Variants in CACNA2D1 observed in about 807,000 individuals in gnomAD.
CACNA2D1 encodes voltage-dependent calcium channel subunit alpha-2/delta-1.
CACNA2D1 carries 53 observed loss-of-function variants against 171.5 expected under a neutral mutation model. That is an observed-to-expected ratio of 0.31 (90% CI 0.25 to 0.39). The LOEUF (loss-of-function observed/expected upper bound fraction) is 0.39, where lower values mean the gene tolerates loss of function less well. CACNA2D1 is among the 10% of genes least tolerant of loss of function. The pLI is 1.00. For missense variants in CACNA2D1, 903 were observed against 1,299.8 expected, an observed-to-expected ratio of 0.69 and a Z score of 4.69; for synonymous variants, 442 against 443.1, an observed-to-expected ratio of 1.00 and a Z score of 0.03.
chr7:82,355,229 C>A (rs1820287754), intron 1 of CACNA2D1, among the ~76,000 whole-genome samples: 1 of 152,040 alleles, frequency 6.6e-6, no homozygotes, highest in Admixed American at 6.6e-5. Flanking sequence ...GAAAATCTTT[C>A]TCTTAGAAAT....
chr7:82,003,893 G>C (rs1798865599), intron 18 of CACNA2D1, among the ~76,000 whole-genome samples: 1 of 151,912 alleles, frequency 6.6e-6, no homozygotes, highest in Non-Finnish European at 1.5e-5. Flanking sequence ...TTATAGGCAT[G>C]TGCCACCACA....
intron 5 of CACNA2D1, among the ~76,000 whole-genome samples, chr7:82,118,079 C>G (rs1040936808): frequency 6.6e-6 from 1 of 152,098 alleles, no homozygotes; most frequent in Non-Finnish European, 1.5e-5. Flanking sequence ...TATTCTAACT[C>G]TAAATACAAT....
At chr7:82,202,412 A>G (rs1383509695) in intron 3 of CACNA2D1, among the ~76,000 whole-genome samples, 2 of 152,142 alleles carry the variant, frequency 1.3e-5, no homozygotes, top group Non-Finnish European at 2.9e-5. Context: ...ACTGATTCTG[A>G]GTCAGCCATG....
At chr7:82,199,018 G>A (rs1234320558) in intron 3 of CACNA2D1, among the ~76,000 whole-genome samples, 3 of 152,078 alleles carry the variant, frequency 2.0e-5, no homozygotes, top group Non-Finnish European at 4.4e-5. Flanking sequence ...TTATGGAATA[G>A]CCAAGATGCT....
chr7:82,009,256 T>A (rs975017689), intron 15 of CACNA2D1: 3 of 152,180 alleles, frequency 2.0e-5, no homozygotes, highest in Admixed American at 1.3e-4. Context: ...CCCAGCCACA[T>A]GGAACTGTGA....
At chr7:82,175,480 T>C (rs1207479805) in intron 3 of CACNA2D1, among the ~76,000 whole-genome samples, 1 of 152,052 alleles carries the variant, frequency 6.6e-6, no homozygotes, top group Non-Finnish European at 1.5e-5. Context: ...CAATTATCAC[T>C]CTAGGAGTTT....
At chr7:82,276,971 C>G (rs1360903576) in intron 3 of CACNA2D1, among the ~76,000 whole-genome samples, 1 of 152,016 alleles carries the variant, frequency 6.6e-6, no homozygotes, top group Non-Finnish European at 1.5e-5. Context: ...TGGTCTCGAT[C>G]TCTTGACCTT....
intron 3 of CACNA2D1, among the ~76,000 whole-genome samples, chr7:82,273,259 T>C (rs1431622214): frequency 6.6e-6 from 1 of 151,818 alleles, no homozygotes; most frequent in East Asian, 1.9e-4. Context: ...ATATACCTTT[T>C]GATATAGCTC....
Position 82,443,420 on chromosome 7 carries a change from A to T in CACNA2D1, c.40T>A (p.Phe14Ile). The T allele has an allele frequency of 6.2e-7, 1 of 1,607,180 alleles. No homozygotes were observed. Reference protein sequence around the residue: ...GCLLALTLTLFQSLLIGPSSE... With the variant: ...GCLLALTLTLIQSLLIGPSSE... ...GAGGGGCCGATGAGCAAAGATTGGA[A>T]AAGTGTCAGAGTCAAGGCCAGCAGG... The change falls in exon 1 of 39, where the codon TTC (phenylalanine) becomes ATC (isoleucine). Residue 14 changes from phenylalanine to isoleucine, a missense_variant. This residue lies in a region of CACNA2D1 where 41 missense variants were observed against 27.6 expected (regional missense o/e 1.49). Coordinates refer to ENST00000356860, the MANE Select transcript of CACNA2D1 (RefSeq NM_000722.4).
intron 8 of CACNA2D1, 145 bp from the exon 9 acceptor site, chr7:82,064,499 T>C: frequency 7.0e-6 from 4 of 571,260 alleles, no homozygotes; most frequent in African/African-American, 3.7e-5. Flanking sequence ...TGGTTTTCCA[T>C]TCATATTCTT....
At chr7:82,023,322 G>C (rs1801478100) in intron 12 of CACNA2D1, among the ~76,000 whole-genome samples, 1 of 151,772 alleles carries the variant, frequency 6.6e-6, no homozygotes, top group Non-Finnish European at 1.5e-5. Context: ...TCTATAATCA[G>C]GTAGATTAAT....
chr7:82,127,507 A>ATATTATT (rs1413228508), intron 5 of CACNA2D1, among the ~76,000 whole-genome samples: 1 of 152,192 alleles, frequency 6.6e-6, no homozygotes, highest in African/African-American at 2.4e-5. Context: ...AATAAACTAA[A>ATATTATT]TATTATTTCT....
chr7:82,213,977 T>G (rs1353721708), intron 3 of CACNA2D1, among the ~76,000 whole-genome samples: 5 of 152,192 alleles, frequency 3.3e-5, no homozygotes, highest in Non-Finnish European at 7.3e-5. Context: ...ATTCAGTGTC[T>G]GGAGAGGGCA....
intron 24 of CACNA2D1, among the ~76,000 whole-genome samples, chr7:81,975,304 A>G (rs1795724517): frequency 6.6e-6 from 1 of 152,154 alleles, no homozygotes; most frequent in Non-Finnish European, 1.5e-5. Flanking sequence ...AGTTCATTAC[A>G]TGTTAATATA....
chr7:81,979,576 C>A (rs1385897591), intron 24 of CACNA2D1, among the ~76,000 whole-genome samples: 1 of 152,150 alleles, frequency 6.6e-6, no homozygotes, highest in Admixed American at 6.6e-5. Flanking sequence ...GTCTTGCCAA[C>A]ATAGCAGGCC....
intron 1 of CACNA2D1, among the ~76,000 whole-genome samples, chr7:82,366,769 T>C (rs1821767949): frequency 6.6e-6 from 1 of 152,116 alleles, no homozygotes; most frequent in Admixed American, 6.6e-5. Flanking sequence ...GAATGGTAGT[T>C]CTGTTTTAAG....
intron 3 of CACNA2D1, among the ~76,000 whole-genome samples, chr7:82,316,862 A>G (rs1815188455): frequency 6.6e-6 from 1 of 152,166 alleles, no homozygotes; most frequent in Non-Finnish European, 1.5e-5. Context: ...CCACAAGAAC[A>G]GTTTTGGGGA....
intron 3 of CACNA2D1, among the ~76,000 whole-genome samples, chr7:82,269,089 C>T (rs1400409768): frequency 4.0e-5 from 6 of 148,660 alleles, no homozygotes; most frequent in South Asian, 2.1e-4. Flanking sequence ...CCTTCAGCGA[C>T]GCAACAAGAC....
chr7:82,275,229 C>T (rs952390218), intron 3 of CACNA2D1, among the ~76,000 whole-genome samples: 3 of 152,126 alleles, frequency 2.0e-5, no homozygotes, highest in African/African-American at 7.2e-5. Context: ...CAGCAAGATC[C>T]TTGCCTCTGT....
Sources: allele counts gnomAD v4.1 joint callset (sites outside exome capture counted in the v4.1 genomes callset), GRCh38; gene constraint gnomAD v4.1.1; regional missense constraint gnomAD v4.1.1; transcripts MANE v1.5; gene names NCBI Gene and HGNC (gene_info 2026-07-23, HGNC 2026-07-21).